The following KRTCAP3 variants were observed in gnomAD, a reference collection of about 807,000 sequenced individuals.
KRTCAP3 encodes the protein keratinocyte-associated protein 3.
Under a neutral mutation model 20.5 loss-of-function variants are expected in KRTCAP3, and 18 were observed. The ratio of observed to expected loss-of-function variants is 0.88; its 90% CI spans 0.61 to 1.31. The LOEUF is 1.31. KRTCAP3 is among the 50% of genes most tolerant of loss of function. The pLI is 0.00. For missense variants in KRTCAP3, 347 were observed against 310.4 expected (o/e 1.12, Z -0.89); for synonymous variants, 167 against 133.7 (o/e 1.25, Z -1.72).
At chr2:27,443,564 A>C in intron 5 of KRTCAP3, 32 bp downstream of exon 5, 1 of 1,612,796 alleles carries the variant, frequency 6.2e-7, no homozygotes, top group Non-Finnish European at 8.5e-7. Flanking sequence ...GGTTCATTCC[A>C]CAGAGACTGG....
chr2:27,442,491 C>CCCCGTCCTACTG, intron 1 of KRTCAP3, 51 bp downstream of exon 1: 1 of 1,550,470 alleles, frequency 6.4e-7, no homozygotes, highest in Non-Finnish European at 8.7e-7. Context: ...GCTACCCTTG[C>CCCCGTCCTACTG]CCCGTCCTAC....
chr2:27,443,331 T>C, intron 4 of KRTCAP3, 51 bp downstream of exon 4: 1 of 1,613,378 alleles, frequency 6.2e-7, no homozygotes, highest in East Asian at 2.2e-5. Context: ...GGTCCTGCCC[T>C]TTTAATTTCC....
At chr2:27,446,019 G>C, downstream of KRTCAP3, 2 of 1,613,390 alleles carry the variant, frequency 1.2e-6, no homozygotes, top group African/African-American at 1.3e-5. Flanking sequence ...AAATGGGAGT[G>C]AACAAGCTGG....
Position 27,443,058 on chromosome 2 carries a change from C to T in KRTCAP3, c.274-16C>T. On this transcript the variant is annotated splice_polypyrimidine_tract_variant and intron_variant, in intron 3 of 6. Coordinates refer to ENST00000288873, the MANE Select transcript of KRTCAP3 (RefSeq NM_173853.4). ...CCAGGCCCAGGCTGCTCACCCTGAT[C>T]TCCTGTCCCTGCCAGCACTGGGTCC... The T allele has an allele frequency of 6.2e-7, 1 of 1,609,816 alleles. No individual in the cohort carries two copies. Among genetic ancestry groups the T allele is most frequent in the African/African-American group, 1.3e-5 (1 of 74,982 alleles).
At chr2:27,445,787 G>A (rs1424254691), downstream of KRTCAP3, 1 of 1,614,160 alleles carries the variant, frequency 6.2e-7, no homozygotes, top group Non-Finnish European at 8.5e-7. This position sits in a 1 kb window ranked among gnomAD's most constrained non-coding sequence, Gnocchi z 4.4. Flanking sequence ...CAAAGGGAAT[G>A]TCTGTATCCT....
At position 27,442,422 on chromosome 2, in the gene KRTCAP3, T is replaced by C; in HGVS notation, c.10T>C (p.Cys4Arg). The change falls in exon 1 of 7, where the codon TGC becomes CGC. Residue 4 changes from cysteine to arginine, a missense_variant. Physicochemically the swap from Cys to Arg is radical, Grantham distance 180. Coordinates refer to ENST00000288873, the MANE Select transcript of KRTCAP3 (RefSeq NM_173853.4). Reference sequence around the variant, plus strand: ...TGGCGCGGCGGACGGGATGAGGCGCTGCAGTCTCTGCGCTTTCGGTAACTT... The same window carrying C: ...TGGCGCGGCGGACGGGATGAGGCGCCGCAGTCTCTGCGCTTTCGGTAACTT... MRR[C>R]SLCAFDAARG... The C allele has an allele frequency of 6.4e-7, 1 of 1,565,600 alleles. No homozygotes were observed. Among genetic ancestry groups the C allele is most frequent in the Non-Finnish European group, 8.6e-7 (1 of 1,156,128 alleles).
chr2:27,446,453 A>C, downstream of KRTCAP3: 4 of 1,023,162 alleles, frequency 3.9e-6, no homozygotes, highest in South Asian at 1.4e-5. Flanking sequence ...AAAAACAACA[A>C]TTATTATTAA....
rs376675677 is a variant in KRTCAP3 at position 27,442,406 on chromosome 2, G to A, written c.-7G>A. 1.1e-5 allele frequency: 17 copies of A among 1,554,058 alleles called. No individual in the cohort carries two copies. The East Asian group carries it at 3.7e-4, about 33-fold the overall frequency. On this transcript the variant is annotated 5_prime_UTR_variant, in exon 1 of 7. Coordinates refer to ENST00000288873, the MANE Select transcript of KRTCAP3 (RefSeq NM_173853.4). ...ACAGCGGCCCTGCGGCTGGCGCGGC[G>A]GACGGGATGAGGCGCTGCAGTCTCT...
downstream of KRTCAP3, chr2:27,444,942 C>T: frequency 1.8e-5 from 27 of 1,539,136 alleles, no homozygotes; most frequent in Non-Finnish European, 2.3e-5. Context: ...AGCCACTGCA[C>T]CCAGACTTGT....
intron 2 of KRTCAP3, 25 bp downstream of exon 2, chr2:27,442,788 G>C: frequency 6.2e-7 from 1 of 1,611,048 alleles, no homozygotes; most frequent in Non-Finnish European, 8.5e-7. Flanking sequence ...CGACCCGGGC[G>C]GGGGCCGGGC....
rs771225635 is a variant in KRTCAP3 at position 27,442,585 on chromosome 2, C to T, written c.35C>T (p.Ala12Val). The change falls in exon 2 of 7, where the codon GCC becomes GTC. Residue 12 changes from alanine (A) to valine (V), a missense_variant. Transcript: ENST00000288873. ...RRCSLCAFDAARGPRRLMRVG... is the reference protein window; with the variant it reads ...RRCSLCAFDAVRGPRRLMRVG... ...CCTCCCCCGTGCTTTGCAGACGCCG[C>T]CCGGGGGCCCAGGCGGCTGATGCGT... 3 of 1,530,478 alleles carry T rather than the reference C, an allele frequency of 2.0e-6. No homozygotes were observed. The highest frequency in any genetic ancestry group is 2.6e-6 in the Non-Finnish European group (3 of 1,140,990). 94.8% of individuals were successfully genotyped at this position (1,530,478 alleles called of 1,614,324 possible).
rs1304511049 is a variant in KRTCAP3 at position 27,443,502 on chromosome 2, G to A, written c.585G>A (p.Gly195=). Residue 195 remains glycine, a synonymous_variant, in exon 5 of 7, where the codon GGG becomes GGA. Coordinates refer to ENST00000288873, the MANE Select transcript of KRTCAP3 (RefSeq NM_173853.4). Reference sequence around the variant, plus strand: ...CTGCACTCACTCTACGTGGAGTTGGGCCCTGCAGGAAGGACGGACTTCAGG... The same window carrying A: ...CTGCACTCACTCTACGTGGAGTTGGACCCTGCAGGAAGGACGGACTTCAGG... The part of the protein sequence containing the change: ...CVAALTLRGV[G]PCRKDGLQGQ... 6.2e-7 allele frequency: 1 copy of A among 1,614,170 alleles called. No individual in the cohort carries two copies. Among genetic ancestry groups the A allele is most frequent in the Non-Finnish European group, 8.5e-7 (1 of 1,180,024 alleles).
At chr2:27,444,928 T>TA, downstream of KRTCAP3, 1 of 1,427,466 alleles carries the variant, frequency 7.0e-7, no homozygotes, top group African/African-American at 1.4e-5. Flanking sequence ...GGATTAAAGG[T>TA]ATGAGCCACT....
rs932729499 is a variant in KRTCAP3, at chr2:27,442,431, T to C, written c.19T>C (p.Cys7Arg). ...GGACGGGATGAGGCGCTGCAGTCTC[T>C]GCGCTTTCGGTAACTTCCGGGCCCT... MRRCSL[C>R]AFDAARGPRR... The change falls in exon 1 of 7, where the codon TGC becomes CGC. Residue 7 changes from cysteine (C) to arginine (R), a missense_variant. Coordinates refer to ENST00000288873, the MANE Select transcript of KRTCAP3 (RefSeq NM_173853.4). The C allele has an allele frequency of 7.0e-6, 11 of 1,569,510 alleles. No homozygotes were observed. The highest frequency in any genetic ancestry group is 3.5e-4 in the Middle Eastern group (2 of 5,738).
chr2:27,442,383 A>C lies in KRTCAP3; in HGVS notation c.-30A>C. ...TTGGGGCGGGGCCGGGCCCAGGTAC[A>C]GCGGCCCTGCGGCTGGCGCGGCGGA... is the stretch of plus-strand genomic sequence containing the variant. On this transcript the variant is annotated 5_prime_UTR_variant, in exon 1 of 7. Coordinates refer to ENST00000288873, the MANE Select transcript of KRTCAP3 (RefSeq NM_173853.4). 1 of 1,544,788 alleles carries C rather than the reference A, an allele frequency of 6.5e-7. No homozygotes were observed. The highest frequency in any genetic ancestry group is 8.7e-7 in the Non-Finnish European group (1 of 1,145,518).
chr2:27,443,463 T>A lies in KRTCAP3; in HGVS notation c.546T>A (p.Gly182=), dbSNP rs112908126. The A allele has an allele frequency of 1.4e-4, 223 of 1,614,148 alleles. 2 individuals are homozygous for A. In the African/African-American group the frequency reaches 2.5e-3, roughly 18 times the overall value. ...CTGCAGGGGAGGCTGCTCTATCTGG[T>A]TACTGCTGTGTGGCTGCACTCACTC... ...LMSAGEAALS[G]YCCVAALTLR... The change falls in exon 5 of 7, where the codon GGT becomes GGA. Residue 182 remains glycine, a synonymous_variant. Coordinates refer to ENST00000288873, the MANE Select transcript of KRTCAP3 (RefSeq NM_173853.4).
chr2:27,445,118 A>G, downstream of KRTCAP3: 1 of 1,613,602 alleles, frequency 6.2e-7, no homozygotes, highest in East Asian at 2.2e-5. The surrounding 1 kb of genome is among the most constrained non-coding windows in gnomAD (Gnocchi z 4.4). Flanking sequence ...GTGGAGGAAG[A>G]AAAAATGATG....
chr2:27,442,862 G>A lies in KRTCAP3; in HGVS notation c.234G>A (p.Val78=). The change falls in exon 3 of 7, where the codon GTG becomes GTA. Residue 78 remains valine, a synonymous_variant. Coordinates refer to ENST00000288873, the MANE Select transcript of KRTCAP3 (RefSeq NM_173853.4). ...SGLLSVSVGL[V]ALLASRNLLR... is the part of the protein sequence containing the mutation. The stretch of plus-strand genomic sequence containing the variant: ...CACAGAGCGTTTCCGTGGGACTTGT[G>A]GCCCTCCTGGCGTCCAGGAACCTTC... The A allele has an allele frequency of 6.2e-7, 1 of 1,612,332 alleles. No individual in the cohort carries two copies. Among genetic ancestry groups the A allele is most frequent in the South Asian group, 1.1e-5 (1 of 91,088 alleles).
chr2:27,444,323 A>G, downstream of KRTCAP3: 4 of 701,854 alleles, frequency 5.7e-6, no homozygotes, highest in Non-Finnish European at 4.9e-6. Flanking sequence ...TTTTGGGGAA[A>G]AGGCACTGTG....
Sources: allele counts gnomAD v4.1 joint callset, GRCh38; gene constraint gnomAD v4.1.1; non-coding constraint Gnocchi (gnomAD v3.1); transcripts MANE v1.5; gene names NCBI Gene and HGNC (gene_info 2026-07-23, HGNC 2026-07-21).